Variants in FAM227B observed in about 807,000 individuals in gnomAD.
FAM227B encodes family with sequence similarity 227 member B.
Under a neutral mutation model 73.8 loss-of-function variants are expected in FAM227B, and 88 were observed. The observed-to-expected ratio is 1.19, with a 90% CI of 1.00 to 1.42. The LOEUF is 1.42. Among genes scored for constraint, FAM227B ranks in the 40% most tolerant of loss-of-function variants. The pLI, the probability that FAM227B is intolerant of heterozygous loss-of-function variation, is 0.00. For synonymous variants in FAM227B, 210 were observed against 190.5 expected, an observed-to-expected ratio of 1.10 and a Z score of -0.84; for missense variants, 632 against 590.9, an observed-to-expected ratio of 1.07 and a Z score of -0.72.
rs1481954359 is a variant in FAM227B, at chr15:49,541,728, C to T, written c.826G>A (p.Asp276Asn). ...AFPESSYLFN[D>N]EFKEDLGNNI... is the part of the protein sequence containing the mutation. ...TTCCCTAGATCTTCTTTAAATTCAT[C>T]ATTAAAGAGGTAACTCGATTCTGGA... The change falls in exon 10 of 16, where the codon GAT (aspartate) becomes AAT (asparagine). Residue 276 changes from aspartate (D) to asparagine (N), a missense_variant. By Grantham distance (23) the Asp-to-Asn change is conservative. Transcript: ENST00000299338. The T allele has an allele frequency of 1.9e-6, 3 of 1,538,868 alleles. No individual in the cohort carries two copies. The highest frequency in any genetic ancestry group is 2.8e-5 in the African/African-American group (2 of 72,016).
chr15:49,580,253 G>A (rs1160356913), intron 5 of FAM227B, among the ~76,000 whole-genome samples: 3 of 152,114 alleles, frequency 2.0e-5, no homozygotes, highest in African/African-American at 7.2e-5. Flanking sequence ...AAACTTCTTT[G>A]AAAGGAGCAT....
At chr15:49,540,725 A>T (rs1322843261) in intron 10 of FAM227B, among the ~76,000 whole-genome samples, 1 of 152,224 alleles carries the variant, frequency 6.6e-6, no homozygotes, top group Non-Finnish European at 1.5e-5. Context: ...ATTTTGGGGA[A>T]GATACAATTC....
intron 11 of FAM227B, among the ~76,000 whole-genome samples, chr15:49,402,056 C>G (rs1236729458): frequency 6.6e-6 from 1 of 152,088 alleles, no homozygotes; most frequent in Admixed American, 6.5e-5. Flanking sequence ...TGATCTAGCT[C>G]AACCACTGAT....
intron 10 of FAM227B, among the ~76,000 whole-genome samples, chr15:49,532,038 CTATT>C (rs2060649450): frequency 1.3e-5 from 2 of 148,350 alleles, no homozygotes; most frequent in Admixed American, 6.8e-5. Flanking sequence ...TATTATATAG[CTATT>C]TAAGGGAATA....
chr15:49,434,218 G>A (rs2050877590), intron 11 of FAM227B, among the ~76,000 whole-genome samples: 1 of 151,542 alleles, frequency 6.6e-6, no homozygotes. Flanking sequence ...GTCACTTGTA[G>A]GTGTTACATA....
At chr15:49,368,977 TTTTA>T (rs1449850029) in intron 12 of FAM227B, among the ~76,000 whole-genome samples, 2 of 152,096 alleles carry the variant, frequency 1.3e-5, no homozygotes, top group African/African-American at 4.8e-5. Context: ...GTTTGTTTGT[TTTTA>T]TTTTTTTGAG....
intron 10 of FAM227B, among the ~76,000 whole-genome samples, chr15:49,517,028 A>G (rs1213212276): frequency 6.6e-6 from 1 of 152,194 alleles, no homozygotes; most frequent in African/African-American, 2.4e-5. Flanking sequence ...AAAAGCCTCT[A>G]AAGGAACACA....
intron 9 of FAM227B, among the ~76,000 whole-genome samples, chr15:49,550,149 G>A (rs1182879159): frequency 4.2e-5 from 6 of 143,926 alleles, no homozygotes; most frequent in Non-Finnish European, 6.1e-5. Context: ...GCGGCTGGCC[G>A]GGCAGGGGGC....
intron 11 of FAM227B, among the ~76,000 whole-genome samples, chr15:49,402,042 G>A (rs568183159): frequency 6.6e-6 from 1 of 152,108 alleles, no homozygotes; most frequent in East Asian, 1.9e-4. Flanking sequence ...CTGCATTCCA[G>A]CTCTGATCTA....
chr15:49,527,797 AG>A (rs2060311998), intron 10 of FAM227B, among the ~76,000 whole-genome samples: 1 of 151,870 alleles, frequency 6.6e-6, no homozygotes, highest in Non-Finnish European at 1.5e-5. Context: ...CATTTAACTA[AG>A]AAAGTGAAAG....
At chr15:49,475,114 G>C (rs1307795822) in intron 11 of FAM227B, among the ~76,000 whole-genome samples, 1 of 152,086 alleles carries the variant, frequency 6.6e-6, no homozygotes, top group African/African-American at 2.4e-5. Context: ...AAATTGATCA[G>C]TTTGATTAAT....
At chr15:49,418,486 T>A (rs2049369523) in intron 11 of FAM227B, among the ~76,000 whole-genome samples, 1 of 152,106 alleles carries the variant, frequency 6.6e-6, no homozygotes, top group African/African-American at 2.4e-5. Context: ...AGCCATCATG[T>A]CCTTTGCAGG....
chr15:49,547,351 C>T (rs994996993), intron 9 of FAM227B, among the ~76,000 whole-genome samples: 1 of 150,072 alleles, frequency 6.7e-6, no homozygotes, highest in Non-Finnish European at 1.5e-5. Context: ...ACCATCAAGG[C>T]TAGGAAGAAA....
At chr15:49,594,605 G>A (rs1018896807) in intron 3 of FAM227B, among the ~76,000 whole-genome samples, 1 of 152,108 alleles carries the variant, frequency 6.6e-6, no homozygotes, top group Non-Finnish European at 1.5e-5. Flanking sequence ...ATTGTATATG[G>A]TGAGACATGA....
intron 2 of FAM227B, among the ~76,000 whole-genome samples, chr15:49,613,197 TAA>T (rs1192694812): frequency 6.6e-6 from 1 of 151,740 alleles, no homozygotes; most frequent in South Asian, 2.1e-4. Flanking sequence ...TAAAAAATTT[TAA>T]AAAAAGGTAA....
rs201363504 is a variant in FAM227B, at chr15:49,508,315, C to T, written c.908G>A (p.Trp303Ter). The T allele has an allele frequency of 2.5e-6, 4 of 1,606,950 alleles. No homozygotes were observed. The highest frequency in any genetic ancestry group is 3.4e-6 in the Non-Finnish European group (4 of 1,177,534). Reference sequence around the variant, plus strand: ...GGTTGTGGAGAGTTCTTTCAGTTTCCAGTGGATCCAAAAGCCTTTTTGAGG... The same window carrying T: ...GGTTGTGGAGAGTTCTTTCAGTTTCTAGTGGATCCAAAAGCCTTTTTGAGG... ...LKPQKGFWIH[W>*]KLKELSTTTI... The change falls in exon 11 of 16, where the codon TGG (tryptophan) becomes TAG (stop). Residue 303 changes from tryptophan (W) to a stop codon, truncating the protein, a stop_gained. Transcript: ENST00000299338. LOFTEE classifies it high-confidence loss of function.
chr15:49,365,448 G>C, intron 13 of FAM227B: 1 of 916,724 alleles, frequency 1.1e-6, no homozygotes, highest in Non-Finnish European at 1.8e-6. Flanking sequence ...GTACAATAAT[G>C]TCTCCAAAGC....
intron 10 of FAM227B, among the ~76,000 whole-genome samples, chr15:49,512,052 TTTA>T (rs901633500): frequency 6.6e-6 from 1 of 152,060 alleles, no homozygotes; most frequent in African/African-American, 2.4e-5. Flanking sequence ...CATATTTCTT[TTTA>T]TTATTATTAT....
chr15:49,494,375 T>C (rs1874612), intron 11 of FAM227B, among the ~76,000 whole-genome samples: 49,355 of 151,826 alleles, frequency 0.33, 8,751 homozygotes, highest in African/African-American at 0.45. Context: ...TTCAGTTTTG[T>C]TTTTGTTGCA....
Sources: allele counts gnomAD v4.1 joint callset (sites outside exome capture counted in the v4.1 genomes callset), GRCh38; gene constraint gnomAD v4.1.1; transcripts MANE v1.5; gene names NCBI Gene and HGNC (gene_info 2026-07-23, HGNC 2026-07-21).